PLCB1: variants seen among roughly 807,000 people sequenced by gnomAD.
The protein encoded by PLCB1 is 1-phosphatidylinositol 4,5-bisphosphate phosphodiesterase beta-1.
Under a neutral mutation model 161.8 loss-of-function variants are expected in PLCB1, and 46 were observed. That is an observed-to-expected ratio of 0.28 (90% CI 0.22 to 0.36). The LOEUF (loss-of-function observed/expected upper bound fraction) is 0.36. PLCB1 is among the 10% of genes least tolerant of loss of function. The pLI, the probability that PLCB1 is intolerant of heterozygous loss-of-function variation, is 1.00. For missense variants in PLCB1, 1,016 were observed against 1,472.5 expected, an observed-to-expected ratio of 0.69 and a Z score of 5.07; for synonymous variants, 517 against 503.7, an observed-to-expected ratio of 1.03 and a Z score of -0.35.
intron 9 of PLCB1, among the ~76,000 whole-genome samples, chr20:8,662,617 TTAATA>T (rs1989708918): frequency 6.8e-6 from 1 of 146,984 alleles, no homozygotes; most frequent in Non-Finnish European, 1.5e-5. Flanking sequence ...ATATCTATAA[TTAATA>T]TAATATATAA....
intron 2 of PLCB1, among the ~76,000 whole-genome samples, chr20:8,256,225 A>C (rs544070711): frequency 6.6e-6 from 1 of 152,272 alleles, no homozygotes; most frequent in East Asian, 1.9e-4. Flanking sequence ...TCCCAAACAT[A>C]GTAACTTCAA....
At chr20:8,652,638 C>G (rs1256931199) in intron 7 of PLCB1, 3 of 151,996 alleles carry the variant, frequency 2.0e-5, no homozygotes, top group Non-Finnish European at 4.4e-5. Flanking sequence ...TATTTTGTAG[C>G]CAAGTCATTT....
chr20:8,298,210 G>A (rs564028427), intron 2 of PLCB1, among the ~76,000 whole-genome samples: 7 of 150,850 alleles, frequency 4.6e-5, no homozygotes, highest in South Asian at 2.1e-4. Context: ...TAGGAGGATC[G>A]CTTGAGTCTT....
At chr20:8,842,675 G>C (rs778583100) in intron 31 of PLCB1, among the ~76,000 whole-genome samples, 1 of 152,162 alleles carries the variant, frequency 6.6e-6, no homozygotes, top group Admixed American at 6.5e-5. Flanking sequence ...CAGCTCTAAG[G>C]GGGTATGAGT....
intron 2 of PLCB1, among the ~76,000 whole-genome samples, chr20:8,356,751 T>C (rs1986374242): frequency 6.6e-6 from 1 of 152,168 alleles, no homozygotes; most frequent in Non-Finnish European, 1.5e-5. Context: ...ATAAGCTAGG[T>C]TGTGAAACAC....
At chr20:8,769,012 CTAAT>C (rs11470064) in intron 26 of PLCB1, among the ~76,000 whole-genome samples, 36,937 of 151,898 alleles carry the variant, frequency 0.24, 5,061 homozygotes, top group Non-Finnish European at 0.32. Flanking sequence ...ATGAAGTTCT[CTAAT>C]CAACAGCATT....
At chr20:8,441,648 G>A (rs1980565833) in intron 3 of PLCB1, among the ~76,000 whole-genome samples, 1 of 152,150 alleles carries the variant, frequency 6.6e-6, no homozygotes, top group Admixed American at 6.5e-5. Flanking sequence ...TAACCAGGCA[G>A]GTGTGAAACA....
chr20:8,835,411 A>T (rs1159989387), intron 31 of PLCB1, among the ~76,000 whole-genome samples: 1 of 149,792 alleles, frequency 6.7e-6, no homozygotes, highest in Non-Finnish European at 1.5e-5. Flanking sequence ...TTTTAAGAGT[A>T]TTTTTTTTTT....
At chr20:8,581,007 G>A (rs1986817193) in intron 3 of PLCB1, among the ~76,000 whole-genome samples, 1 of 152,208 alleles carries the variant, frequency 6.6e-6, no homozygotes, top group Non-Finnish European at 1.5e-5. Context: ...CCAGAAGCAG[G>A]TTGTGATCAA....
At chr20:8,491,538 G>T (rs1165697954) in intron 3 of PLCB1, among the ~76,000 whole-genome samples, 2 of 152,138 alleles carry the variant, frequency 1.3e-5, no homozygotes, top group Non-Finnish European at 2.9e-5. Flanking sequence ...CTGGGAACAA[G>T]TACTGTGTGT....
chr20:8,786,642 C>G (rs1983498740), intron 27 of PLCB1, among the ~76,000 whole-genome samples: 1 of 152,010 alleles, frequency 6.6e-6, no homozygotes, highest in Admixed American at 6.5e-5. Flanking sequence ...ATAACACCAA[C>G]CGCATAGGGC....
intron 3 of PLCB1, among the ~76,000 whole-genome samples, chr20:8,626,186 A>G (rs1362357901): frequency 3.3e-5 from 5 of 151,708 alleles, no homozygotes; most frequent in African/African-American, 1.2e-4. Context: ...TCAAAAAAAA[A>G]AAAAAAAAAG....
intron 2 of PLCB1, among the ~76,000 whole-genome samples, chr20:8,367,138 T>C (rs545569359): frequency 3.3e-5 from 5 of 152,314 alleles, no homozygotes; most frequent in South Asian, 4.1e-4. Context: ...CTCTCACCAC[T>C]AGGCACACTT....
chr20:8,325,994 T>G (rs1985137771), intron 2 of PLCB1, among the ~76,000 whole-genome samples: 1 of 152,212 alleles, frequency 6.6e-6, no homozygotes, highest in African/African-American at 2.4e-5. Flanking sequence ...AAAATCTGTA[T>G]GAAGCTACAA....
At chr20:8,247,826 G>C (rs1320320999) in intron 2 of PLCB1, among the ~76,000 whole-genome samples, 1 of 151,884 alleles carries the variant, frequency 6.6e-6, no homozygotes, top group African/African-American at 2.4e-5. Context: ...CTTCATCTTA[G>C]CTTTAGGGTT....
At chr20:8,527,452 G>C (rs2122903869) in intron 3 of PLCB1, among the ~76,000 whole-genome samples, 1 of 152,208 alleles carries the variant, frequency 6.6e-6, no homozygotes, top group South Asian at 2.1e-4. Flanking sequence ...TTATTACACT[G>C]AATGTTTTAC....
intron 3 of PLCB1, among the ~76,000 whole-genome samples, chr20:8,531,623 G>A (rs746690607): frequency 2.0e-5 from 3 of 152,006 alleles, no homozygotes; most frequent in Admixed American, 6.6e-5. Context: ...CAAAATTTCA[G>A]CAATGCTTCT....
Position 8,788,752 on chromosome 20 carries a change from A to T in PLCB1, c.3278+30A>T, listed in dbSNP as rs773982509. 6.6e-6 allele frequency: 9 copies of T among 1,366,136 alleles called. No homozygotes were observed. In the East Asian group the frequency reaches 2.1e-4, roughly 31 times the overall value. 84.6% of individuals were successfully genotyped at this position (1,366,136 alleles called of 1,614,324 possible). ...GTCAAAAGTGTCCCCTCTCCCAAAC[A>T]GTTCATCTGGGAATTATTTTATTTT... On this transcript the variant is annotated intron_variant, in intron 29 of 31. Coordinates refer to ENST00000338037, the MANE Select transcript of PLCB1 (RefSeq NM_015192.4).
At chr20:8,764,692 A>C (rs1982222240) in intron 25 of PLCB1, among the ~76,000 whole-genome samples, 2 of 152,146 alleles carry the variant, frequency 1.3e-5, no homozygotes, top group Non-Finnish European at 2.9e-5. Context: ...TTCTTGCCTC[A>C]AGATGAGACC....
Sources: allele counts gnomAD v4.1 joint callset (sites outside exome capture counted in the v4.1 genomes callset), GRCh38; gene constraint gnomAD v4.1.1; transcripts MANE v1.5; gene names NCBI Gene and HGNC (gene_info 2026-07-23, HGNC 2026-07-21).